RPA1: variants seen among roughly 807,000 people sequenced by gnomAD.
The protein encoded by RPA1 is replication protein A 70 kDa DNA-binding subunit.
RPA1 carries 49 observed loss-of-function variants against 83.0 expected under a neutral mutation model. That is an observed-to-expected ratio of 0.59 (90% confidence interval 0.47 to 0.75). The LOEUF is 0.75. RPA1 is among the 30% of genes least tolerant of loss of function. The pLI is 0.00. For synonymous variants in RPA1, 279 were observed against 281.8 expected (o/e 0.99, Z 0.10); for missense variants, 693 against 776.1 (o/e 0.89, Z 1.27).
At chr17:1,857,504 T>C (rs1597434599) in intron 5 of RPA1, among the ~76,000 whole-genome samples, 1 of 151,882 alleles carries the variant, frequency 6.6e-6, no homozygotes, top group African/African-American at 2.4e-5. Context: ...TCCCTCTAGC[T>C]GGGACAGACT....
intron 2 of RPA1, among the ~76,000 whole-genome samples, 179 bp downstream of exon 2, chr17:1,843,032 C>T (rs999388066): frequency 6.6e-6 from 1 of 152,056 alleles, no homozygotes; most frequent in Non-Finnish European, 1.5e-5. Context: ...GAAAATGTTA[C>T]TACGTGAGCT....
At chr17:1,856,780 C>T (rs1263325717) in intron 5 of RPA1, among the ~76,000 whole-genome samples, 1 of 151,504 alleles carries the variant, frequency 6.6e-6, no homozygotes, top group African/African-American at 2.4e-5. Flanking sequence ...GATCTGCCTG[C>T]CTCAGCCTCC....
At chr17:1,885,698 C>T (rs1295517480) in intron 13 of RPA1, among the ~76,000 whole-genome samples, 3 of 152,086 alleles carry the variant, frequency 2.0e-5, no homozygotes, top group Non-Finnish European at 4.4e-5. Flanking sequence ...CTCAACCTCT[C>T]AAAGTGCCAG....
At chr17:1,858,528 A>G (rs1912808135) in intron 5 of RPA1, 2 of 781,250 alleles carry the variant, frequency 2.6e-6, no homozygotes, top group South Asian at 1.5e-5. Context: ...CAGTGGCACA[A>G]TCTCGGCTCA....
chr17:1,842,999 CT>C, intron 2 of RPA1, 146 bp downstream of exon 2: 1 of 736,548 alleles, frequency 1.4e-6, no homozygotes. Flanking sequence ...CATTGTAACC[CT>C]GAGAGAGCAG....
chr17:1,832,705 C>A (rs1029137929), intron 1 of RPA1, among the ~76,000 whole-genome samples: 1 of 152,090 alleles, frequency 6.6e-6, no homozygotes, highest in Non-Finnish European at 1.5e-5. Flanking sequence ...TTATTAGATG[C>A]ATGACTTGAG....
At chr17:1,871,225 C>T (rs1047908987) in intron 5 of RPA1, among the ~76,000 whole-genome samples, 1 of 152,178 alleles carries the variant, frequency 6.6e-6, no homozygotes, top group Admixed American at 6.5e-5. Flanking sequence ...TAAGGTCTCT[C>T]AATTTTTCTC....
rs141350779 is a variant in RPA1 at position 1,846,259 on chromosome 17, G to C, written c.272+1573G>C. Among the ~76,000 whole-genome samples, 1,451 of 150,570 alleles carry C rather than the reference G, an allele frequency of 9.6e-3. 35 individuals are homozygous for C. The highest frequency in any genetic ancestry group is 0.033 in the African/African-American group (1,363 of 41,058). On this transcript the variant is annotated intron_variant, in intron 4 of 16. Transcript: ENST00000254719. Reference sequence around the variant, plus strand: ...TCTTCTGGCATTGAATGTTGATCTGGAGAAGTCTTAAGGCCAGCCTGGTTT... The same window carrying C: ...TCTTCTGGCATTGAATGTTGATCTGCAGAAGTCTTAAGGCCAGCCTGGTTT...
At chr17:1,843,310 C>T (rs1912126587) in intron 2 of RPA1, among the ~76,000 whole-genome samples, 1 of 151,866 alleles carries the variant, frequency 6.6e-6, no homozygotes, top group Non-Finnish European at 1.5e-5. Context: ...CTCACCCCTG[C>T]AGGTTTTCAG....
intron 13 of RPA1, among the ~76,000 whole-genome samples, chr17:1,885,222 A>G (rs957003765): frequency 2.0e-5 from 3 of 152,216 alleles, no homozygotes; most frequent in African/African-American, 7.2e-5. Flanking sequence ...ATCTCAAGAA[A>G]GCACTTTCCT....
rs561032357 is a variant in RPA1 at position 1,843,940 on chromosome 17, G to A, written c.105G>A (p.Thr35=). 8 of 1,613,834 alleles carry A rather than the reference G, an allele frequency of 5.0e-6. No individual in the cohort carries two copies. Among genetic ancestry groups the A allele is most frequent in the African/African-American group, 2.7e-5 (2 of 75,008 alleles). Residue 35 remains threonine, a synonymous_variant, in exon 3 of 17, where the codon ACG becomes ACA. Transcript: ENST00000254719. ...LQVINIRPIT[T]GNSPPRYRLL... ...CCTAGAACATCCGTCCCATTACTACGGGGAATAGTCCGCCGCGTTATCGAC... is the reference window on the plus strand; with the variant it reads ...CCTAGAACATCCGTCCCATTACTACAGGGAATAGTCCGCCGCGTTATCGAC...
chr17:1,877,588 C>A (rs778020667), intron 8 of RPA1, among the ~76,000 whole-genome samples: 1 of 152,144 alleles, frequency 6.6e-6, no homozygotes, highest in East Asian at 1.9e-4. Context: ...TAAATAAAAT[C>A]TTTGATCTTA....
At chr17:1,830,655 G>A (rs1157999377) in intron 1 of RPA1, 2 of 152,514 alleles carry the variant, frequency 1.3e-5, no homozygotes, top group South Asian at 2.1e-4. Flanking sequence ...CTCTTCCTTG[G>A]TTTTTAGTGG....
At chr17:1,874,028 T>TACACACACACACACACACAC in intron 6 of RPA1, among the ~76,000 whole-genome samples, 1 of 102,616 alleles carries the variant, frequency 9.7e-6, no homozygotes, top group Admixed American at 1.1e-4. Flanking sequence ...TATATATATA[T>TACACACACACACACACACAC]ATATACACAC....
chr17:1,854,653 G>A (rs1349958966), intron 5 of RPA1, among the ~76,000 whole-genome samples: 2 of 152,156 alleles, frequency 1.3e-5, no homozygotes, highest in African/African-American at 2.4e-5. Context: ...GCAGTCAGCT[G>A]TGATGGCACC....
chr17:1,879,392 A>C lies in RPA1; in HGVS notation c.937A>C (p.Lys313Gln). Residue 313 changes from lysine (K) to glutamine (Q), a missense_variant, in exon 10 of 17, where the codon AAA becomes CAA. Coordinates refer to ENST00000254719, the MANE Select transcript of RPA1 (RefSeq NM_002945.5). ...GATTGATGACCTCGAGAACAAGTCG[A>C]AAGACTCACTTGTAGGTAAGCTCGT... The part of the protein sequence containing the change: ...TGIDDLENKS[K>Q]DSLVDIIGIC... 1 of 1,614,126 alleles carries C rather than the reference A, an allele frequency of 6.2e-7. No homozygotes were observed. The highest frequency in any genetic ancestry group is 8.5e-7 in the Non-Finnish European group (1 of 1,180,004).
chr17:1,896,955 T>A, intron 16 of RPA1, 116 bp from the exon 17 acceptor site: 1 of 818,482 alleles, frequency 1.2e-6, no homozygotes. Flanking sequence ...GACTGAACTC[T>A]GAACCCGTGC....
At chr17:1,855,307 G>A (rs562578847) in intron 5 of RPA1, among the ~76,000 whole-genome samples, 2 of 151,654 alleles carry the variant, frequency 1.3e-5, no homozygotes, top group African/African-American at 4.8e-5. Context: ...GATTACAGGT[G>A]TATGACACCA....
At chr17:1,853,254 C>A in intron 5 of RPA1, 65 bp downstream of exon 5, 2 of 1,244,510 alleles carry the variant, frequency 1.6e-6, no homozygotes, top group South Asian at 1.2e-5. Flanking sequence ...CGGAGTTCTA[C>A]CTTTTGGATT....
Sources: allele counts gnomAD v4.1 joint callset (sites outside exome capture counted in the v4.1 genomes callset), GRCh38; gene constraint gnomAD v4.1.1; transcripts MANE v1.5; gene names NCBI Gene and HGNC (gene_info 2026-07-23, HGNC 2026-07-21).